The following GRID2 variants were observed in gnomAD, a reference collection of about 807,000 sequenced individuals.
GRID2 encodes glutamate receptor ionotropic, delta-2.
A neutral mutation model predicts 114.8 loss-of-function variants in GRID2; 33 were observed. That is an observed-to-expected ratio of 0.29 (90% CI 0.22 to 0.38). The LOEUF is 0.38. Ranked by LOEUF, GRID2 falls within the 10% of genes least tolerant of loss-of-function variation. The probability of loss-of-function intolerance (pLI) is 1.00; values close to 1 mark genes in which losing one functional copy is unlikely to be tolerated. For synonymous variants in GRID2, 505 were observed against 449.9 expected, an observed-to-expected ratio of 1.12 and a Z score of -1.55; for missense variants, 1,184 against 1,257.7, an observed-to-expected ratio of 0.94 and a Z score of 0.89.
intron 14 of GRID2, among the ~76,000 whole-genome samples, chr4:93,688,100 G>A (rs2110108518): frequency 6.6e-6 from 1 of 152,092 alleles, no homozygotes; most frequent in Non-Finnish European, 1.5e-5. Flanking sequence ...CTGTTTATCA[G>A]TGGAATATAA....
intron 2 of GRID2, among the ~76,000 whole-genome samples, chr4:92,706,706 C>G (rs1283277861): frequency 1.3e-5 from 2 of 152,234 alleles, no homozygotes; most frequent in East Asian, 3.9e-4. Context: ...AATAGGAAAA[C>G]CTGTTTGATT....
At chr4:92,330,489 A>G (rs1184829971) in intron 1 of GRID2, among the ~76,000 whole-genome samples, 2 of 152,122 alleles carry the variant, frequency 1.3e-5, no homozygotes, top group East Asian at 1.9e-4. Flanking sequence ...CTATCATACT[A>G]CTTGGGCAAT....
At chr4:93,096,957 A>C (rs976568348) in intron 3 of GRID2, among the ~76,000 whole-genome samples, 1 of 152,054 alleles carries the variant, frequency 6.6e-6, no homozygotes, top group African/African-American at 2.4e-5. Flanking sequence ...ACAGTAGAAT[A>C]CTATTGAGCA....
intron 2 of GRID2, among the ~76,000 whole-genome samples, chr4:92,747,172 C>T (rs1023288598): frequency 7.3e-5 from 11 of 151,580 alleles, no homozygotes; most frequent in African/African-American, 2.2e-4. Context: ...TATCTATTGC[C>T]GTTTTATAAT....
chr4:92,889,591 A>G (rs561086289), intron 2 of GRID2, among the ~76,000 whole-genome samples: 39 of 152,354 alleles, frequency 2.6e-4, no homozygotes, highest in African/African-American at 8.9e-4. Context: ...TTCAAGAACT[A>G]CAAACCACTG....
intron 1 of GRID2, among the ~76,000 whole-genome samples, chr4:92,374,279 T>C (rs984729234): frequency 6.6e-6 from 1 of 152,180 alleles, no homozygotes; most frequent in African/African-American, 2.4e-5. Context: ...TGGGTCTCCA[T>C]AATCCTTTAT....
intron 4 of GRID2, among the ~76,000 whole-genome samples, chr4:93,160,159 C>T (rs572932671): frequency 5.3e-5 from 8 of 151,662 alleles, no homozygotes; most frequent in South Asian, 4.2e-4. Context: ...ATGGATAATT[C>T]GTGAGTTGTA....
At chr4:93,405,879 G>A (rs1766360978) in intron 9 of GRID2, among the ~76,000 whole-genome samples, 1 of 152,066 alleles carries the variant, frequency 6.6e-6, no homozygotes, top group Non-Finnish European at 1.5e-5. Context: ...CTTGAGAGAT[G>A]CTACTGAAAT....
At chr4:92,489,224 AT>A (rs1723036298) in intron 1 of GRID2, among the ~76,000 whole-genome samples, 1 of 152,166 alleles carries the variant, frequency 6.6e-6, no homozygotes, top group Admixed American at 6.6e-5. Flanking sequence ...TAACAATATA[AT>A]TTTTTTAATG....
chr4:93,194,396 T>A (rs529138240), intron 4 of GRID2, among the ~76,000 whole-genome samples: 1 of 152,190 alleles, frequency 6.6e-6, no homozygotes, highest in Non-Finnish European at 1.5e-5. Context: ...TTTTCAGATA[T>A]GCTATTTTCT....
At chr4:93,594,635 G>A (rs1444074175) in intron 13 of GRID2, among the ~76,000 whole-genome samples, 6 of 152,256 alleles carry the variant, frequency 3.9e-5, no homozygotes, top group Admixed American at 1.3e-4. Context: ...GGGCAATGGC[G>A]GGCGCCCCTC....
chr4:92,497,953 C>T (rs1723476725), intron 1 of GRID2, among the ~76,000 whole-genome samples: 1 of 151,676 alleles, frequency 6.6e-6, no homozygotes, highest in East Asian at 1.9e-4. Flanking sequence ...GTAATAAATA[C>T]AGCTGTAAAC....
intron 1 of GRID2, among the ~76,000 whole-genome samples, chr4:92,464,443 A>G (rs549930300): frequency 7.2e-5 from 11 of 152,258 alleles, no homozygotes; most frequent in African/African-American, 2.6e-4. Flanking sequence ...TTGAGTAGGT[A>G]TATTAACTTT....
chr4:93,555,824 A>G (rs1050881482), intron 13 of GRID2, among the ~76,000 whole-genome samples: 1 of 152,166 alleles, frequency 6.6e-6, no homozygotes, highest in African/African-American at 2.4e-5. Flanking sequence ...GACACCTCCC[A>G]GCAGGGATTG....
intron 2 of GRID2, among the ~76,000 whole-genome samples, chr4:92,972,024 C>T (rs1753549458): frequency 6.6e-6 from 1 of 152,024 alleles, no homozygotes; most frequent in Admixed American, 6.6e-5. Flanking sequence ...CTTTTATATG[C>T]TGATTTCCAT....
intron 1 of GRID2, among the ~76,000 whole-genome samples, chr4:93,788,036 G>C (rs1219334767): frequency 6.6e-6 from 1 of 152,146 alleles, no homozygotes; most frequent in East Asian, 1.9e-4. Context: ...AACGCCTAAG[G>C]CTGGGCGCGG....
At chr4:93,498,993 G>A (rs1239657510) in intron 12 of GRID2, among the ~76,000 whole-genome samples, 3 of 151,874 alleles carry the variant, frequency 2.0e-5, no homozygotes, top group African/African-American at 7.2e-5. Flanking sequence ...ATGAATAGGT[G>A]TTGGATTTTG....
chr4:93,007,345 A>T lies in GRID2; in HGVS notation c.245-77650A>T, dbSNP rs145660651. Among the ~76,000 whole-genome samples, 529 of 151,636 alleles carry T rather than the reference A, an allele frequency of 3.5e-3. 6 individuals carry two copies. Among genetic ancestry groups the T allele is most frequent in the African/African-American group, 9.5e-3 (394 of 41,350 alleles). On this transcript the variant is annotated intron_variant, in intron 2 of 15. Transcript: ENST00000282020. ...AATTTTTAGTTCTTAAGGATATTTTAAAAAAAAACCTCTGGACTTTCAGGC... is the reference window on the plus strand; with the variant it reads ...AATTTTTAGTTCTTAAGGATATTTTTAAAAAAAACCTCTGGACTTTCAGGC...
rs907631317 is a variant in GRID2, at chr4:92,906,073, TTA to T, written c.245-178920_245-178919del. Among the ~76,000 whole-genome samples, 53 of 152,136 alleles carry T rather than the reference TTA, an allele frequency of 3.5e-4. 1 individual carries two copies. The highest frequency in any genetic ancestry group is 2.1e-4 in the Non-Finnish European group (14 of 68,012). On this transcript the variant is annotated intron_variant, in intron 2 of 15. Transcript: ENST00000282020. ...AGTCTTACACTGAGAGGTGAATAGTTTATGTTTGGTACAGATTAGCTACATTT... is the reference window on the plus strand; with the variant it reads ...AGTCTTACACTGAGAGGTGAATAGTTTGTTTGGTACAGATTAGCTACATTT...
Sources: gnomAD v4.1 joint callset for allele counts (sites outside exome capture counted in the v4.1 genomes callset) on GRCh38, gnomAD v4.1.1 for gene constraint, MANE v1.5 for transcripts, NCBI Gene and HGNC (gene_info 2026-07-23, HGNC 2026-07-21) for gene names.